Variants in ADA2 observed in about 807,000 individuals in gnomAD.
ADA2 encodes the protein adenosine deaminase 2.
Under a neutral mutation model 44.2 loss-of-function variants are expected in ADA2, and 29 were observed. The ratio of observed to expected loss-of-function variants is 0.66; its 90% CI spans 0.49 to 0.89. ADA2 has a LOEUF of 0.89. Ranked by LOEUF, ADA2 falls within the 40% of genes least tolerant of loss-of-function variation. The pLI, the probability that ADA2 is intolerant of heterozygous loss-of-function variation, is 0.00. For synonymous variants in ADA2, 215 were observed against 234.9 expected (o/e 0.92, Z 0.77); for missense variants, 637 against 644.8 (o/e 0.99, Z 0.13).
intron 1 of ADA2, among the ~76,000 whole-genome samples, chr22:17,217,629 G>A (rs2062486170): frequency 6.6e-6 from 1 of 152,074 alleles, no homozygotes; most frequent in African/African-American, 2.4e-5. Flanking sequence ...ATACCAGCCT[G>A]GGCAACATAG....
chr22:17,201,264 G>GT (rs1175084335), intron 4 of ADA2, among the ~76,000 whole-genome samples: 1 of 152,048 alleles, frequency 6.6e-6, no homozygotes, highest in Non-Finnish European at 1.5e-5. Context: ...TGAAGCATAA[G>GT]TGTCTGGTCC....
intron 1 of ADA2, among the ~76,000 whole-genome samples, chr22:17,211,056 T>C (rs554486651): frequency 2.0e-5 from 3 of 152,076 alleles, no homozygotes; most frequent in Non-Finnish European, 4.4e-5. Context: ...AAAAAAATAT[T>C]TTTTTATTAA....
intron 3 of ADA2, among the ~76,000 whole-genome samples, chr22:17,206,381 C>T (rs891369194): frequency 1.3e-5 from 2 of 151,618 alleles, no homozygotes; most frequent in African/African-American, 4.9e-5. Flanking sequence ...CACTTGAACC[C>T]GGGAGGCAGA....
chr22:17,208,435 G>GA (rs1213922318), intron 2 of ADA2, among the ~76,000 whole-genome samples: 8 of 78,000 alleles, frequency 1.0e-4, no homozygotes, highest in African/African-American at 2.7e-4. Flanking sequence ...AAAAAAAAAA[G>GA]AAAAAAAAAG....
chr22:17,198,038 CA>C (rs35766953), intron 4 of ADA2, among the ~76,000 whole-genome samples: 291 of 107,076 alleles, frequency 2.7e-3, no homozygotes, highest in East Asian at 9.7e-3. Flanking sequence ...AACTCCGTCT[CA>C]AAAAAAAAAA....
chr22:17,209,764 G>A, intron 1 of ADA2, 41 bp from the exon 2 acceptor site: 3 of 1,015,348 alleles, frequency 3.0e-6, no homozygotes, highest in Non-Finnish European at 4.3e-6. Context: ...ACAGATTTAA[G>A]GGTGGAACTC....
At chr22:17,184,697 G>C (rs1410179734) in intron 7 of ADA2, among the ~76,000 whole-genome samples, 4 of 151,700 alleles carry the variant, frequency 2.6e-5, no homozygotes, top group Non-Finnish European at 4.4e-5. Flanking sequence ...GGAGGCTGAG[G>C]CAGGAGGATT....
chr22:17,217,418 GAGAGCAGCCAGTTC>G (rs2062483877), intron 1 of ADA2, among the ~76,000 whole-genome samples: 3 of 152,208 alleles, frequency 2.0e-5, no homozygotes, highest in African/African-American at 7.2e-5. Flanking sequence ...AAAACTTGCA[GAGAGCAGCCAGTTC>G]AGGGTGGCAA....
intron 5 of ADA2, among the ~76,000 whole-genome samples, chr22:17,190,477 A>G (rs1000865554): frequency 1.8e-4 from 27 of 152,204 alleles, no homozygotes; most frequent in Admixed American, 2.6e-4. Flanking sequence ...GGCTGGACCC[A>G]GTAACCATAT....
intron 4 of ADA2, chr22:17,199,416 T>TCCTCCCTTCCCTCCTCTATCCTCTTCC: frequency 2.3e-6 from 1 of 429,648 alleles, no homozygotes; most frequent in Non-Finnish European, 4.4e-6. Flanking sequence ...TCTCAGCGTC[T>TCCTCCCTTCCCTCCTCTATCCTCTTCC]CCTCCCTCCC....
At chr22:17,195,431 A>C (rs1247876495) in intron 4 of ADA2, among the ~76,000 whole-genome samples, 2 of 152,034 alleles carry the variant, frequency 1.3e-5, no homozygotes, top group Admixed American at 6.6e-5. Context: ...GGGGAGGCTG[A>C]GGCAGGAGAA....
upstream of ADA2, among the ~76,000 whole-genome samples, chr22:17,220,018 TTG>T (rs2123742482): frequency 6.6e-6 from 1 of 152,032 alleles, no homozygotes; most frequent in Admixed American, 6.6e-5. Context: ...GTGTGTGTGT[TTG>T]TGTGTACTGT....
chr22:17,208,208 G>A (rs1322035308), intron 2 of ADA2, among the ~76,000 whole-genome samples: 8 of 149,622 alleles, frequency 5.3e-5, no homozygotes, highest in East Asian at 2.0e-4. Flanking sequence ...GGCAGATCAC[G>A]AGGTCAGGAG....
intron 7 of ADA2, among the ~76,000 whole-genome samples, chr22:17,185,766 G>A (rs1476469183): frequency 6.6e-6 from 1 of 152,168 alleles, no homozygotes; most frequent in Non-Finnish European, 1.5e-5. Flanking sequence ...CTTTCTCTGA[G>A]AGAAGGTGTG....
At chr22:17,210,591 A>AT (rs2062408607) in intron 1 of ADA2, among the ~76,000 whole-genome samples, 1 of 151,650 alleles carries the variant, frequency 6.6e-6, no homozygotes, top group Non-Finnish European at 1.5e-5. Context: ...ATTTTATTTT[A>AT]TTTATTTTAA....
At position 17,201,866 on chromosome 22, in the gene ADA2, AT is replaced by A. The variant is rs894389964; in HGVS notation, c.753+1696del. Reference sequence around the variant, plus strand: ...CCAAAATGCAAGACCCAAAAATCAGATTTTTTTGATGATGCTCCCTTCTTTT... The same window carrying A: ...CCAAAATGCAAGACCCAAAAATCAGATTTTTTGATGATGCTCCCTTCTTTT... On this transcript the variant is annotated intron_variant, in intron 4 of 9. Transcript: ENST00000399837. Among the ~76,000 whole-genome samples, 66 of 150,828 alleles carry A rather than the reference AT, an allele frequency of 4.4e-4. 1 individual carries two copies. Among genetic ancestry groups the A allele is most frequent in the African/African-American group, 1.6e-3 (65 of 41,000 alleles).
chr22:17,202,790 T>C (rs1251636172), intron 4 of ADA2, among the ~76,000 whole-genome samples: 3 of 151,582 alleles, frequency 2.0e-5, no homozygotes, highest in Non-Finnish European at 4.4e-5. Flanking sequence ...TTTTTGTGTG[T>C]GTGTGTTTTT....
intron 4 of ADA2, 73 bp from the exon 5 acceptor site, chr22:17,191,883 C>T: frequency 6.8e-7 from 1 of 1,472,476 alleles, no homozygotes; most frequent in Non-Finnish European, 9.1e-7. Context: ...GCCACCCCTG[C>T]CCAGCCACCC....
At chr22:17,215,329 G>A (rs1282522852) in intron 1 of ADA2, among the ~76,000 whole-genome samples, 5 of 152,188 alleles carry the variant, frequency 3.3e-5, no homozygotes, top group African/African-American at 4.8e-5. Flanking sequence ...GGCTGGGCAC[G>A]GTGGCTTACG....
Sources: allele counts gnomAD v4.1 joint callset (sites outside exome capture counted in the v4.1 genomes callset), GRCh38; gene constraint gnomAD v4.1.1; transcripts MANE v1.5; gene names NCBI Gene and HGNC (gene_info 2026-07-23, HGNC 2026-07-21).